LOC128706665: variants seen among roughly 807,000 people sequenced by gnomAD.
the LOC128706665 span, among the ~76,000 whole-genome samples, chr20:10,429,030 C>A: frequency 1.3e-5 from 2 of 152,096 alleles, no homozygotes; most frequent in Non-Finnish European, 2.9e-5. Context: ...TATTTTTCTC[C>A]ACTGAAAAGA....
chr20:10,424,005 G>A, the LOC128706665 span, among the ~76,000 whole-genome samples: 1 of 152,180 alleles, frequency 6.6e-6, no homozygotes, highest in South Asian at 2.1e-4. Flanking sequence ...GAGAGAGCAA[G>A]TAACTATTTT....
the LOC128706665 span, among the ~76,000 whole-genome samples, chr20:10,417,111 T>C: frequency 8.6e-5 from 13 of 151,490 alleles, no homozygotes; most frequent in African/African-American, 3.2e-4. Flanking sequence ...ACTAGTCAGG[T>C]GTGGTGGTGG....
chr20:10,418,805 T>C, the LOC128706665 span, among the ~76,000 whole-genome samples: 1 of 152,138 alleles, frequency 6.6e-6, no homozygotes, highest in Non-Finnish European at 1.5e-5. Context: ...ACAATATACA[T>C]ACATAATATA....
chr20:10,421,182 C>T, the LOC128706665 span, among the ~76,000 whole-genome samples: 1 of 152,096 alleles, frequency 6.6e-6, no homozygotes. Context: ...GTATTCCCAG[C>T]ACTTTGGGAG....
chr20:10,427,588 T>C, the LOC128706665 span, among the ~76,000 whole-genome samples: 13 of 152,354 alleles, frequency 8.5e-5, no homozygotes, highest in African/African-American at 3.1e-4. Flanking sequence ...TTTTTTATCC[T>C]CAATTTTTAA....
the LOC128706665 span, chr20:10,420,849 G>A: frequency 2.6e-5 from 4 of 152,122 alleles, no homozygotes; most frequent in South Asian, 8.3e-4. Context: ...GTAGCATGCT[G>A]TACTCTAACA....
chr20:10,425,157 GAA>G, the LOC128706665 span, among the ~76,000 whole-genome samples: 1 of 152,004 alleles, frequency 6.6e-6, no homozygotes, highest in Non-Finnish European at 1.5e-5. Context: ...TAGAAACAAG[GAA>G]AAGAGAGCTA....
At chr20:10,431,425 CAAG>C in the LOC128706665 span, among the ~76,000 whole-genome samples, 2 of 151,914 alleles carry the variant, frequency 1.3e-5, no homozygotes, top group South Asian at 2.1e-4. Flanking sequence ...GGGGAACTAC[CAAG>C]AAGAGTAAGG....
chr20:10,427,029 G>GACACACACAGACACAC, the LOC128706665 span, among the ~76,000 whole-genome samples: 1 of 130,724 alleles, frequency 7.6e-6, no homozygotes, highest in East Asian at 2.6e-4. Flanking sequence ...AGAAAACACT[G>GACACACACAGACACAC]ACACACACAC....
the LOC128706665 span, among the ~76,000 whole-genome samples, chr20:10,419,806 T>G: frequency 1.3e-4 from 20 of 152,222 alleles, no homozygotes; most frequent in Admixed American, 5.2e-4. Flanking sequence ...GATTTCATCA[T>G]GCTACTCAGA....
chr20:10,423,314 G>A, the LOC128706665 span, among the ~76,000 whole-genome samples: 1 of 152,076 alleles, frequency 6.6e-6, no homozygotes, highest in South Asian at 2.1e-4. Context: ...AGCTGCGTGG[G>A]GGGTGCTGAG....
the LOC128706665 span, among the ~76,000 whole-genome samples, chr20:10,415,840 T>C: frequency 0.14 from 21,936 of 152,220 alleles, 1,779 homozygotes; most frequent in East Asian, 0.24. Context: ...CCAGTACACA[T>C]ATCTTTTGGC....
the LOC128706665 span, among the ~76,000 whole-genome samples, chr20:10,427,029 GACACACACACACACACACACAC>G: frequency 1.9e-4 from 25 of 130,786 alleles, no homozygotes; most frequent in East Asian, 5.2e-4. Context: ...AGAAAACACT[GACACACACACACACACACACAC>G]ACACACACAC....
the LOC128706665 span, among the ~76,000 whole-genome samples, chr20:10,422,683 C>T: frequency 6.6e-6 from 1 of 151,902 alleles, no homozygotes; most frequent in East Asian, 1.9e-4. Flanking sequence ...CCTCTATTCC[C>T]CTCAACATGA....
the LOC128706665 span, among the ~76,000 whole-genome samples, chr20:10,419,206 T>C: frequency 6.6e-6 from 1 of 152,160 alleles, no homozygotes; most frequent in African/African-American, 2.4e-5. Context: ...ACTTAGAGCA[T>C]ATTATTCACC....
chr20:10,428,231 T>C, the LOC128706665 span, among the ~76,000 whole-genome samples: 1 of 152,162 alleles, frequency 6.6e-6, no homozygotes, highest in African/African-American at 2.4e-5. Flanking sequence ...CCTTTCACTG[T>C]TTTTACACCC....
At chr20:10,416,365 T>C in the LOC128706665 span, among the ~76,000 whole-genome samples, 1 of 152,106 alleles carries the variant, frequency 6.6e-6, no homozygotes, top group African/African-American at 2.4e-5. Context: ...GGTCCTTTTC[T>C]GCCCAAAAGT....
chr20:10,427,267 T>G, the LOC128706665 span, among the ~76,000 whole-genome samples: 2 of 152,240 alleles, frequency 1.3e-5, no homozygotes, highest in African/African-American at 4.8e-5. Flanking sequence ...GTTCTCATTT[T>G]GCCTATTGGG....
At chr20:10,421,413 T>A in the LOC128706665 span, among the ~76,000 whole-genome samples, 47 of 103,742 alleles carry the variant, frequency 4.5e-4, no homozygotes, top group African/African-American at 1.6e-3. Flanking sequence ...TGAGACTCCA[T>A]CACAAAAAAA....
Sources: allele counts gnomAD v4.1 joint callset (sites outside exome capture counted in the v4.1 genomes callset), GRCh38; gene constraint gnomAD v4.1.1; transcripts MANE v1.5.